Variants in UBE2E2 observed in about 807,000 individuals in gnomAD.
UBE2E2 encodes ubiquitin conjugating enzyme E2 E2, also known as ubiquitin-conjugating enzyme E2 E2.
A neutral mutation model predicts 24.7 loss-of-function variants in UBE2E2; 6 were observed. The ratio of observed to expected loss-of-function variants is 0.24; its 90% CI spans 0.13 to 0.48. The LOEUF (loss-of-function observed/expected upper bound fraction) is 0.48. Among genes scored for constraint, UBE2E2 ranks in the 20% least tolerant of loss-of-function variants. The pLI, the probability that UBE2E2 is intolerant of heterozygous loss-of-function variation, is 0.99. For missense variants in UBE2E2, 169 were observed against 245.0 expected (o/e 0.69, Z 2.07); for synonymous variants, 104 against 83.6 (o/e 1.24, Z -1.33).
In UBE2E2 at chr3:23,474,627, C is replaced by T. The variant is rs543370642; in HGVS notation, c.228-24981C>T. ...AAATTTATATATGGTCACATTTACC[C>T]TGGTCACACAACTGGAATGGCAGTC... is the stretch of plus-strand genomic sequence containing the variant. On this transcript the variant is annotated intron_variant, in intron 3 of 5. Coordinates refer to ENST00000396703, the MANE Select transcript of UBE2E2 (RefSeq NM_152653.4). The surrounding 1 kb of genome is among the most constrained non-coding windows in gnomAD (Gnocchi z 4.0). Among the ~76,000 whole-genome samples the T allele has an allele frequency of 1.3e-5, 2 of 152,170 alleles. No homozygotes were observed. The highest frequency in any genetic ancestry group is 1.3e-4 in the Admixed American group (2 of 15,288).
intron 3 of UBE2E2, among the ~76,000 whole-genome samples, chr3:23,256,699 C>A (rs1312927423): frequency 6.6e-6 from 1 of 152,144 alleles, no homozygotes; most frequent in African/African-American, 2.4e-5. Flanking sequence ...CTTCTGAATT[C>A]TTTCTACATT....
chr3:23,382,196 T>C (rs867125523), intron 3 of UBE2E2, among the ~76,000 whole-genome samples: 103 of 149,450 alleles, frequency 6.9e-4, no homozygotes, highest in Non-Finnish European at 1.3e-3. Flanking sequence ...TTTTTTTTTT[T>C]TTTGAGACGA....
intron 3 of UBE2E2, among the ~76,000 whole-genome samples, chr3:23,456,931 T>G (rs952154720): frequency 2.6e-5 from 4 of 152,170 alleles, no homozygotes; most frequent in African/African-American, 7.2e-5. Flanking sequence ...GAAGGCTGTT[T>G]GTTACCCACA....
At chr3:23,508,554 G>A (rs770531988) in intron 4 of UBE2E2, among the ~76,000 whole-genome samples, 49 of 152,224 alleles carry the variant, frequency 3.2e-4, no homozygotes, top group Non-Finnish European at 2.8e-4. Flanking sequence ...AATTTTTCAG[G>A]TTGGATCAAC....
intron 3 of UBE2E2, among the ~76,000 whole-genome samples, chr3:23,493,974 A>G (rs1699552483): frequency 6.6e-6 from 1 of 152,230 alleles, no homozygotes; most frequent in South Asian, 2.1e-4. Flanking sequence ...GATTTGTGCT[A>G]TAATGATCTC....
intron 3 of UBE2E2, among the ~76,000 whole-genome samples, chr3:23,278,425 G>A (rs1037122083): frequency 2.6e-5 from 4 of 152,046 alleles, no homozygotes; most frequent in African/African-American, 9.7e-5. Context: ...AATTTCTGAA[G>A]GTTTGGTAAG....
At chr3:23,229,588 T>C (rs1233941719) in intron 3 of UBE2E2, among the ~76,000 whole-genome samples, 1 of 152,238 alleles carries the variant, frequency 6.6e-6, no homozygotes, top group Non-Finnish European at 1.5e-5. Flanking sequence ...GAAGGTCACA[T>C]AGCAAGTAAA....
chr3:23,392,196 T>C (rs568533296), intron 3 of UBE2E2, among the ~76,000 whole-genome samples: 1 of 152,300 alleles, frequency 6.6e-6, no homozygotes, highest in East Asian at 1.9e-4. Context: ...TCTTTTAAAA[T>C]CAGCTTTTAT....
intron 3 of UBE2E2, among the ~76,000 whole-genome samples, chr3:23,254,828 G>C (rs972740144): frequency 6.6e-6 from 1 of 152,100 alleles, no homozygotes; most frequent in African/African-American, 2.4e-5. Flanking sequence ...AGCTGGAAAG[G>C]CAGGGTGTGG....
intron 4 of UBE2E2, among the ~76,000 whole-genome samples, chr3:23,512,656 G>A (rs1694629163): frequency 6.6e-6 from 1 of 152,068 alleles, no homozygotes; most frequent in South Asian, 2.1e-4. Context: ...TTGTATATCT[G>A]TGTATAGACT....
At chr3:23,295,336 A>C (rs1698881079) in intron 3 of UBE2E2, among the ~76,000 whole-genome samples, 1 of 151,448 alleles carries the variant, frequency 6.6e-6, no homozygotes, top group East Asian at 1.9e-4. Context: ...GTTTCTTTTC[A>C]TGCCTCAAAG....
At chr3:23,397,526 C>G (rs936087032) in intron 3 of UBE2E2, among the ~76,000 whole-genome samples, 3 of 152,180 alleles carry the variant, frequency 2.0e-5, no homozygotes, top group African/African-American at 7.2e-5. Flanking sequence ...CATTCCCTTT[C>G]CCAATCATAA....
intron 3 of UBE2E2, among the ~76,000 whole-genome samples, chr3:23,484,692 C>G (rs1446081938): frequency 6.6e-6 from 1 of 152,184 alleles, no homozygotes; most frequent in African/African-American, 2.4e-5. Context: ...AATGAACTCA[C>G]AGCTTCACAT....
In UBE2E2 at chr3:23,247,634, G is replaced by A. The variant is rs540497001; in HGVS notation, c.227+30322G>A. Among the ~76,000 whole-genome samples the A allele has an allele frequency of 3.9e-5, 6 of 152,318 alleles. No homozygotes were observed. The East Asian group carries it at 1.2e-3, about 29-fold the overall frequency. On this transcript the variant is annotated intron_variant, in intron 3 of 5. Transcript: ENST00000396703. ...CTCCCAAAGTGCTGGGATTACAGGT[G>A]TGAGGTATTATTTTTTAAGTAGGAG...
At chr3:23,550,889 A>G (rs916840157) in intron 5 of UBE2E2, among the ~76,000 whole-genome samples, 1 of 152,192 alleles carries the variant, frequency 6.6e-6, no homozygotes, top group African/African-American at 2.4e-5. Flanking sequence ...TTGTACAGAG[A>G]GAATGCCCTA....
chr3:23,547,212 C>T (rs1695545155), intron 5 of UBE2E2, among the ~76,000 whole-genome samples: 1 of 152,162 alleles, frequency 6.6e-6, no homozygotes, highest in Non-Finnish European at 1.5e-5. Flanking sequence ...CAATCTCGTT[C>T]CAACAATAAG....
chr3:23,230,426 A>T (rs1017114516), intron 3 of UBE2E2, among the ~76,000 whole-genome samples: 1 of 152,214 alleles, frequency 6.6e-6, no homozygotes, highest in African/African-American at 2.4e-5. Context: ...TTATAAACTT[A>T]GAGAATTTAG....
chr3:23,276,757 C>G (rs1698382900), intron 3 of UBE2E2, among the ~76,000 whole-genome samples: 1 of 151,880 alleles, frequency 6.6e-6, no homozygotes. Context: ...TTTCAGGATA[C>G]TATTTTATAT....
At position 23,407,607 on chromosome 3, in the gene UBE2E2, G is replaced by A. The variant is rs1211605529; in HGVS notation, c.228-92001G>A. ...TTTTATGGTTTGTATGTTTGTTTTG[G>A]GAGGAGTGCATGTGTGTGTGTTTGT... On this transcript the variant is annotated intron_variant, in intron 3 of 5. Transcript: ENST00000396703. The surrounding 1 kb of genome is among the most constrained non-coding windows in gnomAD (Gnocchi z 4.0). Among the ~76,000 whole-genome samples, 7 of 150,890 alleles carry A rather than the reference G, an allele frequency of 4.6e-5. No homozygotes were observed. The highest frequency in any genetic ancestry group is 1.5e-4 in the African/African-American group (6 of 40,910).
Sources: allele counts gnomAD v4.1 joint callset (sites outside exome capture counted in the v4.1 genomes callset), GRCh38; gene constraint gnomAD v4.1.1; non-coding constraint Gnocchi (gnomAD v3.1); transcripts MANE v1.5; gene names NCBI Gene and HGNC (gene_info 2026-07-23, HGNC 2026-07-21).